The following ZZZ3 variants were observed in gnomAD, a reference collection of about 807,000 sequenced individuals.
The protein encoded by ZZZ3 is zinc finger ZZ-type containing 3, also known as ZZ-type zinc finger-containing protein 3.
Under a neutral mutation model 95.2 loss-of-function variants are expected in ZZZ3, and 22 were observed. The observed-to-expected ratio is 0.23, with a 90% CI of 0.17 to 0.33. The LOEUF (loss-of-function observed/expected upper bound fraction) is 0.33, where lower values mean the gene tolerates loss of function less well. Ranked by LOEUF, ZZZ3 falls within the 10% of genes least tolerant of loss-of-function variation. ZZZ3 has a pLI of 1.00. For missense variants in ZZZ3, 885 were observed against 1,066.5 expected, an observed-to-expected ratio of 0.83 and a Z score of 2.37; for synonymous variants, 335 against 358.9, an observed-to-expected ratio of 0.93 and a Z score of 0.75.
At chr1:77,597,366 T>C (rs1361665075) in intron 5 of ZZZ3, among the ~76,000 whole-genome samples, 1 of 152,086 alleles carries the variant, frequency 6.6e-6, no homozygotes, top group Non-Finnish European at 1.5e-5. Context: ...TCCAAATAAC[T>C]TATGCAGACA....
At chr1:77,572,762 GAGT>G (rs1313856753) in intron 12 of ZZZ3, among the ~76,000 whole-genome samples, 1 of 151,826 alleles carries the variant, frequency 6.6e-6, no homozygotes, top group Non-Finnish European at 1.5e-5. Context: ...TCAGCCTCTT[GAGT>G]AGATGGGACT....
chr1:77,681,552 C>G (rs1672754279), intron 1 of ZZZ3, among the ~76,000 whole-genome samples: 1 of 152,154 alleles, frequency 6.6e-6, no homozygotes, highest in South Asian at 2.1e-4. Flanking sequence ...AGCTCAAACT[C>G]TGATGCCAAA....
At chr1:77,667,793 T>TA (rs1226231024) in intron 1 of ZZZ3, among the ~76,000 whole-genome samples, 4 of 142,830 alleles carry the variant, frequency 2.8e-5, no homozygotes, top group Non-Finnish European at 6.0e-5. Context: ...TGAGAGAGAG[T>TA]CTCGCTCTGT....
At chr1:77,630,416 G>A (rs1464787992) in intron 5 of ZZZ3, among the ~76,000 whole-genome samples, 1 of 152,144 alleles carries the variant, frequency 6.6e-6, no homozygotes, top group Non-Finnish European at 1.5e-5. Context: ...AGTCAAGGTT[G>A]CAGTGAGCCA....
At chr1:77,671,765 G>A (rs929450604) in intron 1 of ZZZ3, among the ~76,000 whole-genome samples, 2 of 152,058 alleles carry the variant, frequency 1.3e-5, no homozygotes, top group African/African-American at 4.8e-5. Context: ...ACCTAAAGCA[G>A]CTCTTTTCAA....
Position 77,584,527 on chromosome 1 carries a change from A to T in ZZZ3, c.1634T>A (p.Leu545His). Reference protein sequence around the residue: ...LKNPIGFVEKLQKKADIGLPY... With the variant: ...LKNPIGFVEKHQKKADIGLPY... The stretch of plus-strand genomic sequence containing the variant: ...CAGTTCAATGTATACCTTCTTCTGG[A>T]GTTTTTCCACAAATCCAATGGGATT... Residue 545 changes from leucine to histidine, a missense_variant, in exon 6 of 15, where the codon CTC becomes CAC. Physicochemically the swap from Leu to His is moderately conservative, Grantham distance 99. Around this residue, in one of 5 missense-constraint regions of ZZZ3, gnomAD observed 556 missense variants for 652.9 expected, o/e 0.85. Transcript: ENST00000370801. 6.2e-7 allele frequency: 1 copy of T among 1,611,020 alleles called. No homozygotes were observed. The highest frequency in any genetic ancestry group is 8.5e-7 in the Non-Finnish European group (1 of 1,179,124).
At chr1:77,612,692 C>A (rs1164156756) in intron 5 of ZZZ3, among the ~76,000 whole-genome samples, 1 of 151,588 alleles carries the variant, frequency 6.6e-6, no homozygotes, top group Non-Finnish European at 1.5e-5. Context: ...CACAGAAAGA[C>A]AAATATTGCG....
intron 11 of ZZZ3, among the ~76,000 whole-genome samples, chr1:77,578,448 AATTT>A (rs1389204134): frequency 6.6e-6 from 1 of 152,184 alleles, no homozygotes; most frequent in African/African-American, 2.4e-5. Flanking sequence ...TGATCTATTA[AATTT>A]ATTAAATGAT....
chr1:77,648,417 T>C (rs917325317), intron 1 of ZZZ3, among the ~76,000 whole-genome samples: 1 of 142,150 alleles, frequency 7.0e-6, no homozygotes, highest in Non-Finnish European at 1.5e-5. Flanking sequence ...GAAAAAGCAA[T>C]CGACAGAAAA....
At chr1:77,650,597 CAAAGCAGTAAACATGTGTT>C (rs1026524167) in intron 1 of ZZZ3, among the ~76,000 whole-genome samples, 2 of 148,084 alleles carry the variant, frequency 1.4e-5, no homozygotes, top group African/African-American at 5.0e-5. Context: ...CAGAGAAATC[CAAAGCAGTAAACATGTGTT>C]AGAAAAAAAG....
chr1:77,578,034 A>G (rs1217556397), intron 11 of ZZZ3, among the ~76,000 whole-genome samples: 1 of 152,132 alleles, frequency 6.6e-6, no homozygotes, highest in African/African-American at 2.4e-5. Context: ...GGAGAGAATC[A>G]GTGGTTCCCA....
chr1:77,679,442 A>T (rs931456431), intron 1 of ZZZ3, among the ~76,000 whole-genome samples: 38 of 152,224 alleles, frequency 2.5e-4, no homozygotes, highest in African/African-American at 9.1e-4. Context: ...AGTAGCTGGT[A>T]CTACAGGCGT....
At chr1:77,609,667 G>A (rs1376020912) in intron 5 of ZZZ3, among the ~76,000 whole-genome samples, 1 of 151,858 alleles carries the variant, frequency 6.6e-6, no homozygotes, top group East Asian at 1.9e-4. Context: ...CATTCAAAAA[G>A]ACTAAAAATA....
At chr1:77,586,976 G>C (rs1440479882) in intron 5 of ZZZ3, among the ~76,000 whole-genome samples, 2 of 152,146 alleles carry the variant, frequency 1.3e-5, no homozygotes, top group Non-Finnish European at 2.9e-5. Context: ...TCCAAGGCAA[G>C]ATTCAATTTT....
chr1:77,626,035 T>C (rs1667305995), intron 5 of ZZZ3, among the ~76,000 whole-genome samples: 1 of 151,948 alleles, frequency 6.6e-6, no homozygotes. Flanking sequence ...AAATTATACT[T>C]GGGTACAAAT....
chr1:77,621,757 C>T (rs563599806), intron 5 of ZZZ3, among the ~76,000 whole-genome samples: 23 of 151,708 alleles, frequency 1.5e-4, no homozygotes, highest in Non-Finnish European at 3.1e-4. Context: ...ATCGAGGCTG[C>T]GGTAAGGCAT....
chr1:77,642,224 C>T (rs532758548), intron 1 of ZZZ3, among the ~76,000 whole-genome samples: 7 of 125,662 alleles, frequency 5.6e-5, no homozygotes, highest in Admixed American at 2.4e-4. Flanking sequence ...ACTTGGTTGA[C>T]GGTTACAAGT....
chr1:77,629,050 T>C (rs1667562577), intron 5 of ZZZ3, among the ~76,000 whole-genome samples: 1 of 152,162 alleles, frequency 6.6e-6, no homozygotes, highest in African/African-American at 2.4e-5. Flanking sequence ...GAAATTTACT[T>C]GAGACTTGAA....
intron 8 of ZZZ3, among the ~76,000 whole-genome samples, chr1:77,581,540 A>G (rs1662528819): frequency 6.6e-6 from 1 of 152,196 alleles, no homozygotes; most frequent in South Asian, 2.1e-4. Context: ...AGGTAATATC[A>G]ACTACATTTT....
Sources: allele counts gnomAD v4.1 joint callset (sites outside exome capture counted in the v4.1 genomes callset), GRCh38; gene constraint gnomAD v4.1.1; regional missense constraint gnomAD v4.1.1; transcripts MANE v1.5; gene names NCBI Gene and HGNC (gene_info 2026-07-23, HGNC 2026-07-21).